Variants in WWP2 observed in about 807,000 individuals in gnomAD.
WWP2 encodes the protein WW domain containing E3 ubiquitin protein ligase 2.
WWP2 carries 57 observed loss-of-function variants against 121.0 expected under a neutral mutation model. The ratio of observed to expected loss-of-function variants is 0.47; its 90% CI spans 0.38 to 0.59. WWP2 has a LOEUF of 0.59. Ranked by LOEUF, WWP2 falls within the 20% of genes least tolerant of loss-of-function variation. WWP2 has a pLI of 0.00. For synonymous variants in WWP2, 449 were observed against 441.3 expected (o/e 1.02, Z -0.22); for missense variants, 962 against 1,158.9 (o/e 0.83, Z 2.47).
At chr16:69,844,736 G>C (rs564323398) in intron 6 of WWP2, among the ~76,000 whole-genome samples, 3 of 152,270 alleles carry the variant, frequency 2.0e-5, no homozygotes, top group African/African-American at 7.2e-5. Flanking sequence ...GGTGAGCAAG[G>C]TACCTTCCGA....
intron 8 of WWP2, among the ~76,000 whole-genome samples, chr16:69,902,316 A>G (rs2058217765): frequency 6.6e-6 from 1 of 152,222 alleles, no homozygotes; most frequent in South Asian, 2.1e-4. Flanking sequence ...GTAGGGTTGG[A>G]ACATGGTTCA....
chr16:69,866,850 A>G (rs1184618937), intron 6 of WWP2, among the ~76,000 whole-genome samples: 3 of 99,598 alleles, frequency 3.0e-5, no homozygotes, highest in South Asian at 6.2e-4. Context: ...TTATTTATTT[A>G]TTTTTGAGAC....
chr16:69,925,134 C>T lies in WWP2; in HGVS notation c.1180-296C>T, dbSNP rs2058620785. On this transcript the variant is annotated intron_variant, in intron 10 of 23. Coordinates refer to ENST00000359154, the MANE Select transcript of WWP2 (RefSeq NM_001270454.2). This position sits in a 1 kb window ranked among gnomAD's most constrained non-coding sequence, Gnocchi z 4.0. ...ACCATGCCAGGGCTGCTCCCTGCCT[C>T]CGCCACCCTGGCACACCTTCACCCG... 25 of 1,155,804 alleles carry T rather than the reference C, an allele frequency of 2.2e-5. No homozygotes were observed. The highest frequency in any genetic ancestry group is 2.7e-5 in the Non-Finnish European group (25 of 936,436). 71.6% of individuals were successfully genotyped at this position (1,155,804 alleles called of 1,614,324 possible). A position where few individuals can be genotyped will look rare whatever the true frequency, so the allele number is the denominator to read the frequency against.
At chr16:69,835,750 C>T (rs542119221) in intron 4 of WWP2, among the ~76,000 whole-genome samples, 85 of 152,050 alleles carry the variant, frequency 5.6e-4, no homozygotes, top group Non-Finnish European at 9.1e-4. Flanking sequence ...ATATCATTCT[C>T]ATCTACTCTT....
chr16:69,794,528 CA>C (rs575780366), intron 2 of WWP2, among the ~76,000 whole-genome samples: 70 of 139,206 alleles, frequency 5.0e-4, no homozygotes, highest in East Asian at 4.1e-4. Flanking sequence ...GACCCGGTCT[CA>C]AAAAAAAAAA....
rs375622575 is a variant in WWP2 at position 69,929,434 on chromosome 16, T to C, written c.1235-14T>C. The C allele has an allele frequency of 8.3e-5, 133 of 1,611,708 alleles. No homozygotes were observed. The highest frequency in any genetic ancestry group is 1.6e-4 in the Middle Eastern group (1 of 6,076). On this transcript the variant is annotated splice_polypyrimidine_tract_variant and intron_variant, in intron 11 of 23. Coordinates refer to ENST00000359154, the MANE Select transcript of WWP2 (RefSeq NM_001270454.2). ...GTTTGAATCTGATGTTCTTTCTTTC[T>C]TCTCATGTGGCAGAGAAGAGACAGG...
At chr16:69,827,722 C>T (rs2056727356) in intron 4 of WWP2, among the ~76,000 whole-genome samples, 1 of 152,184 alleles carries the variant, frequency 6.6e-6, no homozygotes, top group Non-Finnish European at 1.5e-5. Flanking sequence ...GGGCACAGAG[C>T]ATGGGTGATC....
At chr16:69,931,050 CT>C in intron 13 of WWP2, 101 bp from the exon 14 acceptor site, 1 of 1,132,678 alleles carries the variant, frequency 8.8e-7, no homozygotes, top group Non-Finnish European at 1.3e-6. Flanking sequence ...CATTACTAAT[CT>C]TTAAATTAAC....
intron 6 of WWP2, among the ~76,000 whole-genome samples, chr16:69,846,505 G>A (rs2151881603): frequency 6.6e-6 from 1 of 152,294 alleles, no homozygotes; most frequent in South Asian, 2.1e-4. Context: ...TGGATCACTT[G>A]AGGTCAGGAG....
rs777813599 is a variant in WWP2 at position 69,931,912 on chromosome 16, G to A, written c.1682+22G>A. 4.4e-6 allele frequency: 7 copies of A among 1,606,530 alleles called. No individual in the cohort carries two copies. The South Asian group carries it at 7.7e-5, about 18-fold the overall frequency. On this transcript the variant is annotated intron_variant, in intron 16 of 23. Coordinates refer to ENST00000359154, the MANE Select transcript of WWP2 (RefSeq NM_001270454.2). ...CCAGGTGAGCTTGAGTGCCCCGGAA[G>A]GCTGCCCTGTACCCCGCTTCCCCAG...
intron 7 of WWP2, among the ~76,000 whole-genome samples, chr16:69,875,351 G>A (rs926236086): frequency 1.3e-5 from 2 of 152,174 alleles, no homozygotes; most frequent in Admixed American, 6.5e-5. Flanking sequence ...GTCTCTCCTC[G>A]ATGTTGATGG....
intron 9 of WWP2, among the ~76,000 whole-genome samples, chr16:69,913,112 C>A (rs2058425637): frequency 6.9e-6 from 1 of 144,284 alleles, no homozygotes; most frequent in East Asian, 2.0e-4. Context: ...GCAACCTCCA[C>A]CTCCCAGGTT....
At chr16:69,795,958 A>G (rs1483799228) in intron 2 of WWP2, among the ~76,000 whole-genome samples, 2 of 151,652 alleles carry the variant, frequency 1.3e-5, no homozygotes, top group Non-Finnish European at 2.9e-5. Context: ...TCAAAATAAG[A>G]GTACTAAATG....
intron 6 of WWP2, among the ~76,000 whole-genome samples, chr16:69,853,993 A>C (rs1406291160): frequency 6.6e-6 from 1 of 152,206 alleles, no homozygotes; most frequent in African/African-American, 2.4e-5. Flanking sequence ...CCATAGGAGG[A>C]GGAATGAGAA....
At chr16:69,915,560 A>C (rs2058467033) in intron 9 of WWP2, among the ~76,000 whole-genome samples, 1 of 152,310 alleles carries the variant, frequency 6.6e-6, no homozygotes, top group Non-Finnish European at 1.5e-5. Context: ...GTATTAAAGA[A>C]AAGACAAAAA....
chr16:69,909,363 G>A, intron 9 of WWP2: 1 of 986,450 alleles, frequency 1.0e-6, no homozygotes, highest in Non-Finnish European at 1.2e-6. Context: ...CAGTAAAGTA[G>A]CCATGAAGGG....
At chr16:69,769,393 C>T (rs2055366797) in intron 1 of WWP2, among the ~76,000 whole-genome samples, 1 of 150,896 alleles carries the variant, frequency 6.6e-6, no homozygotes, top group African/African-American at 2.4e-5. Context: ...CCTGTTTCTA[C>T]AGCTGGTTAA....
At chr16:69,807,639 A>G (rs953331507) in intron 4 of WWP2, among the ~76,000 whole-genome samples, 6 of 150,064 alleles carry the variant, frequency 4.0e-5, no homozygotes, top group East Asian at 1.9e-4. Flanking sequence ...AAAAAAAAAA[A>G]AAAAAGAAAA....
intron 1 of WWP2, among the ~76,000 whole-genome samples, chr16:69,767,422 A>C (rs1379570183): frequency 6.6e-6 from 1 of 152,088 alleles, no homozygotes; most frequent in Non-Finnish European, 1.5e-5. Context: ...ACCACTTATC[A>C]TTAGTGAGAT....
Sources: allele counts gnomAD v4.1 joint callset (sites outside exome capture counted in the v4.1 genomes callset), GRCh38; gene constraint gnomAD v4.1.1; non-coding constraint Gnocchi (gnomAD v3.1); transcripts MANE v1.5; gene names NCBI Gene and HGNC (gene_info 2026-07-23, HGNC 2026-07-21).